Variants in CAPN14 observed in about 807,000 individuals in gnomAD.
CAPN14 encodes calpain 14.
A neutral mutation model predicts 101.3 loss-of-function variants in CAPN14; 94 were observed. The ratio of observed to expected loss-of-function variants is 0.93; its 90% confidence interval spans 0.79 to 1.10. CAPN14 has a LOEUF of 1.10. Ranked by LOEUF, CAPN14 falls within the 50% of genes least tolerant of loss-of-function variation. The probability of loss-of-function intolerance (pLI) is 0.00; values close to 1 mark genes in which losing one functional copy is unlikely to be tolerated. For missense variants in CAPN14, 837 were observed against 828.4 expected, an observed-to-expected ratio of 1.01 and a Z score of -0.13; for synonymous variants, 338 against 317.9, an observed-to-expected ratio of 1.06 and a Z score of -0.67.
chr2:31,215,848 G>GAAAAAAAAAAAAAAAAAAAAAAAAAAAA (rs35210385), intron 1 of CAPN14, among the ~76,000 whole-genome samples: 2 of 134,392 alleles, frequency 1.5e-5, no homozygotes, highest in Non-Finnish European at 1.6e-5. Context: ...TCTTAAAAAA[G>GAAAAAAAAAAAAAAAAAAAAAAAAAAAA]AAAAAAAAAA....
intron 1 of CAPN14, among the ~76,000 whole-genome samples, chr2:31,210,305 G>A (rs185590835): frequency 0.042 from 6,357 of 152,066 alleles, 140 homozygotes; most frequent in African/African-American, 0.054. Flanking sequence ...AAAATTAGCC[G>A]GGCGTGGTGG....
In CAPN14 at chr2:31,180,936, G is replaced by A. The variant is rs764613923; in HGVS notation, c.1710C>T (p.Asp570=). ...TCCACCCACAAACCTGAAAGGATAC[G>A]TCCAGTAAGGCCAGGATCCCCTGGC... ...EACQGILALL[D]LNASGTMSIQ... is the part of the protein sequence containing the mutation. The change falls in exon 17 of 22, where the codon GAC becomes GAT. Residue 570 remains aspartate (D), a splice_region_variant and synonymous_variant. Coordinates refer to ENST00000403897, the MANE Select transcript of CAPN14 (RefSeq NM_001145122.2). 22 of 1,551,428 alleles carry A rather than the reference G, an allele frequency of 1.4e-5. No individual in the cohort carries two copies. The highest frequency in any genetic ancestry group is 9.8e-5 in the Admixed American group (5 of 50,964).
intron 1 of CAPN14, among the ~76,000 whole-genome samples, chr2:31,228,003 G>C (rs1410213875): frequency 1.3e-5 from 2 of 152,220 alleles, no homozygotes; most frequent in African/African-American, 4.8e-5. Flanking sequence ...ACCAGGCAGA[G>C]GGTGGGGAAG....
At chr2:31,175,469 A>T (rs559322713) in intron 21 of CAPN14, among the ~76,000 whole-genome samples, 33 of 152,306 alleles carry the variant, frequency 2.2e-4, no homozygotes, top group Admixed American at 3.9e-4. Flanking sequence ...CTCTTTGCCC[A>T]CTGGACCCTG....
At position 31,177,272 on chromosome 2, in the gene CAPN14, T is replaced by C. The variant is rs1680352873; in HGVS notation, c.1856-130A>G. The C allele has an allele frequency of 8.2e-6, 5 of 610,400 alleles. No individual in the cohort carries two copies. The South Asian group carries it at 9.9e-5, about 12-fold the overall frequency. The allele number at this position is 610,400 out of a possible 1,614,324, so 37.8% of individuals were successfully genotyped here. A position where few individuals can be genotyped will look rare whatever the true frequency, so the allele number is the denominator to read the frequency against. Reference sequence around the variant, plus strand: ...CTGATAGCATGGAAATCTTCTTTTATAGGGTTCATTTTGAATGGTTTAATT... The same window carrying C: ...CTGATAGCATGGAAATCTTCTTTTACAGGGTTCATTTTGAATGGTTTAATT... On this transcript the variant is annotated intron_variant, in intron 19 of 21. Coordinates refer to ENST00000403897, the MANE Select transcript of CAPN14 (RefSeq NM_001145122.2).
intron 10 of CAPN14, 87 bp from the exon 11 acceptor site, chr2:31,192,185 G>T (rs1165679587): frequency 6.4e-6 from 9 of 1,398,446 alleles, no homozygotes; most frequent in Non-Finnish European, 8.5e-6. Context: ...ACAGTCTGAG[G>T]ACGCCTCTGC....
At chr2:31,186,706 C>A (rs1403456310) in intron 15 of CAPN14, among the ~76,000 whole-genome samples, 3 of 152,184 alleles carry the variant, frequency 2.0e-5, no homozygotes, top group Non-Finnish European at 4.4e-5. Context: ...GTTTAGCCAA[C>A]AATTTGGTTT....
intron 2 of CAPN14, among the ~76,000 whole-genome samples, chr2:31,223,565 G>A (rs78514255): frequency 0.093 from 13,037 of 140,714 alleles, 805 homozygotes; most frequent in African/African-American, 0.19. Flanking sequence ...TTTTGAGATG[G>A]AGTCCCAGGC....
At chr2:31,205,863 G>A (rs1000692348) in intron 1 of CAPN14, among the ~76,000 whole-genome samples, 3 of 151,908 alleles carry the variant, frequency 2.0e-5, no homozygotes, top group Non-Finnish European at 4.4e-5. Context: ...TGGGCCGGAG[G>A]GTCCTGTGCC....
Position 31,187,810 on chromosome 2 carries a change from A to G in CAPN14, c.1535T>C (p.Ile512Thr), listed in dbSNP as rs563443392. 11 of 1,550,690 alleles carry G rather than the reference A, an allele frequency of 7.1e-6. No individual in the cohort carries two copies. The South Asian group carries it at 8.3e-5, about 12-fold the overall frequency. ...SNSGVVFSKE[I>T]EDQNERQDEF... is the part of the protein sequence containing the mutation. ...ATCCTGCCTTTCATTTTGGTCTTCT[A>G]TCTCCTATAGGAAGAGACACACAGA... Residue 512 changes from isoleucine (I) to threonine (T), a missense_variant, in exon 15 of 22, where the codon ATA (isoleucine) becomes ACA (threonine). Physicochemically the swap from Ile to Thr is moderately conservative, Grantham distance 89. Coordinates refer to ENST00000403897, the MANE Select transcript of CAPN14 (RefSeq NM_001145122.2).
chr2:31,181,479 TTCTC>T (rs371156919), intron 16 of CAPN14, among the ~76,000 whole-genome samples: 2,282 of 137,498 alleles, frequency 0.017, 38 homozygotes, highest in Middle Eastern at 0.042. Flanking sequence ...TTTCTTTTCT[TTCTC>T]TCTCTCTCTC....
rs377551095 is a variant in CAPN14, at chr2:31,181,049, C to A, written c.1646-49G>T. 11 of 1,465,360 alleles carry A rather than the reference C, an allele frequency of 7.5e-6. No homozygotes were observed. The East Asian group carries it at 2.5e-4, about 33-fold the overall frequency. The allele number at this position is 1,465,360 out of a possible 1,614,324, so 90.8% of individuals were successfully genotyped here. A position where few individuals can be genotyped will look rare whatever the true frequency, so the allele number is the denominator to read the frequency against. ...CATGGGGGCTGGCCCCAGGTCTGCA[C>A]ACCCCTTTTCTGAGCAGGAAGAGGC... On this transcript the variant is annotated intron_variant, in intron 16 of 21. Transcript: ENST00000403897.
intron 1 of CAPN14, among the ~76,000 whole-genome samples, chr2:31,232,811 C>A (rs1245240845): frequency 1.3e-5 from 2 of 152,134 alleles, no homozygotes; most frequent in African/African-American, 4.8e-5. Flanking sequence ...CATATCAACC[C>A]CCAACCTCTT....
At chr2:31,223,537 CTTTTCTTTTTT>C (rs1682923065) in intron 2 of CAPN14, among the ~76,000 whole-genome samples, 1 of 138,022 alleles carries the variant, frequency 7.2e-6, no homozygotes, top group Non-Finnish European at 1.5e-5. Flanking sequence ...TTTTCTTTTT[CTTTTCTTTTTT>C]TTTTTTTTTT....
intron 2 of CAPN14, among the ~76,000 whole-genome samples, chr2:31,222,692 T>C (rs374698107): frequency 6.6e-6 from 1 of 152,324 alleles, no homozygotes; most frequent in African/African-American, 2.4e-5. Flanking sequence ...TGAGAGGTTT[T>C]TGAGAACCTT....
intron 16 of CAPN14, among the ~76,000 whole-genome samples, chr2:31,183,514 A>C (rs1680753190): frequency 6.6e-6 from 1 of 152,146 alleles, no homozygotes; most frequent in African/African-American, 2.4e-5. Context: ...ACCCCATCAA[A>C]AAGTGGGCAA....
At chr2:31,182,525 T>C (rs1680697703) in intron 16 of CAPN14, among the ~76,000 whole-genome samples, 1 of 129,160 alleles carries the variant, frequency 7.7e-6, no homozygotes, top group African/African-American at 3.6e-5. Context: ...ATCACAAGCA[T>C]TCTTATACAC....
intron 1 of CAPN14, among the ~76,000 whole-genome samples, chr2:31,216,807 G>C (rs1682665968): frequency 6.6e-6 from 1 of 152,128 alleles, no homozygotes; most frequent in Non-Finnish European, 1.5e-5. Context: ...AGACCACTCA[G>C]ACAAGGGCAA....
chr2:31,201,482 G>C (rs987721464), intron 5 of CAPN14, among the ~76,000 whole-genome samples: 6 of 152,136 alleles, frequency 3.9e-5, no homozygotes, highest in African/African-American at 1.4e-4. Context: ...TACGTTGAGA[G>C]GGTTTCATTC....
Sources: allele counts gnomAD v4.1 joint callset (sites outside exome capture counted in the v4.1 genomes callset), GRCh38; gene constraint gnomAD v4.1.1; transcripts MANE v1.5; gene names NCBI Gene and HGNC (gene_info 2026-07-23, HGNC 2026-07-21).